APBB3: variants seen among roughly 807,000 people sequenced by gnomAD.
APBB3 encodes the protein amyloid-beta A4 precursor protein-binding family B member 3.
A neutral mutation model predicts 61.5 loss-of-function variants in APBB3; 50 were observed. That is an observed-to-expected ratio of 0.81 (90% CI 0.65 to 1.03). The LOEUF is 1.03. Ranked by LOEUF, APBB3 falls within the 50% of genes least tolerant of loss-of-function variation. The probability of loss-of-function intolerance (pLI) is 0.00; values close to 1 mark genes in which losing one functional copy is unlikely to be tolerated. For missense variants in APBB3, 550 were observed against 637.4 expected, an observed-to-expected ratio of 0.86 and a Z score of 1.48; for synonymous variants, 235 against 233.0, an observed-to-expected ratio of 1.01 and a Z score of -0.08.
chr5:140,563,416 A>G, intron 3 of APBB3, 178 bp downstream of exon 3: 1 of 698,424 alleles, frequency 1.4e-6, no homozygotes, highest in Non-Finnish European at 2.5e-6. Flanking sequence ...AGCTTAGAAC[A>G]AGGGATAAAA....
Position 140,558,709 on chromosome 5 carries a change from C to A in APBB3, c.1337G>T (p.Gly446Val). 1.2e-6 allele frequency: 2 copies of A among 1,609,900 alleles called. No individual in the cohort carries two copies. Among genetic ancestry groups the A allele is most frequent in the Non-Finnish European group, 1.7e-6 (2 of 1,178,898 alleles). Residue 446 changes from glycine to valine, a missense_variant, in exon 13 of 13, where the codon GGT (glycine) becomes GTT (valine). Gly to Val is a moderately radical substitution (Grantham distance 109). Coordinates refer to ENST00000357560, the MANE Select transcript of APBB3 (RefSeq NM_133173.3). ...TTTGAGCAGGGGGAGGGGCAGGGGA[C>A]CTCCTGGGGAATCCATGGAGCTGGT... is the stretch of plus-strand genomic sequence containing the variant. ...KRTSSMDSPG[G>V]PLPLPLLKGG...
At position 140,563,589 on chromosome 5, in the gene APBB3, G is replaced by A. The variant is rs201548993; in HGVS notation, c.290+5C>T. 59 of 1,614,028 alleles carry A rather than the reference G, an allele frequency of 3.7e-5. No individual in the cohort carries two copies. The highest frequency in any genetic ancestry group is 2.8e-4 in the Admixed American group (17 of 59,996). Reference sequence around the variant, plus strand: ...GCCTTTCATTTTGCCTGGGCCACCCGTTACCTCCGGTCCAGTGAACTCTCC... The same window carrying A: ...GCCTTTCATTTTGCCTGGGCCACCCATTACCTCCGGTCCAGTGAACTCTCC... On this transcript the variant is annotated splice_donor_5th_base_variant and intron_variant, in intron 3 of 12. Coordinates refer to ENST00000357560, the MANE Select transcript of APBB3 (RefSeq NM_133173.3).
chr5:140,564,411 C>A lies in APBB3; in HGVS notation c.-166G>T. On this transcript the variant is annotated 5_prime_UTR_variant, in exon 1 of 13. Transcript: ENST00000357560. This position sits in a 1 kb window ranked among gnomAD's most constrained non-coding sequence, Gnocchi z 5.0. ...ACACGGGGCGGGACACGGGCCGGTC[C>A]CGGGGGAGGGCCTGAGCCGCACAGC... The A allele has an allele frequency of 2.5e-6, 2 of 805,560 alleles. No homozygotes were observed. The highest frequency in any genetic ancestry group is 1.7e-5 in the African/African-American group (1 of 57,926). The allele number at this position is 805,560 out of a possible 1,614,324, so 49.9% of individuals were successfully genotyped here. A position where few individuals can be genotyped will look rare whatever the true frequency, so the allele number is the denominator to read the frequency against.
At chr5:140,563,502 G>C (rs1478194823) in intron 3 of APBB3, 92 bp downstream of exon 3, 2 of 1,477,176 alleles carry the variant, frequency 1.4e-6, no homozygotes, top group African/African-American at 2.8e-5. Context: ...ACAGAATCCA[G>C]AACCTGGGCT....
chr5:140,560,993 C>T lies in APBB3; in HGVS notation c.916+25G>A, dbSNP rs940317643. ...CTTCCCCTTGCCTCACACAGCCCAC[C>T]ACATGCAGCCCCCTCAGTCCTCACC... On this transcript the variant is annotated intron_variant, in intron 10 of 12. Transcript: ENST00000357560. This position sits in a 1 kb window ranked among gnomAD's most constrained non-coding sequence, Gnocchi z 5.1. The T allele has an allele frequency of 6.2e-6, 10 of 1,608,394 alleles. No individual in the cohort carries two copies. In the East Asian group the frequency reaches 2.2e-4, roughly 36 times the overall value.
In APBB3 at chr5:140,560,791, AG is replaced by A; in HGVS notation, c.917-38del. ...TACCCAGCGTGTCTCCCAGTGTAAA[AG>A]AAAGAGTCTGCAGGGAGTGTCTAGC... On this transcript the variant is annotated intron_variant, in intron 10 of 12. Coordinates refer to ENST00000357560, the MANE Select transcript of APBB3 (RefSeq NM_133173.3). This position sits in a 1 kb window ranked among gnomAD's most constrained non-coding sequence, Gnocchi z 5.1. The A allele has an allele frequency of 6.3e-7, 1 of 1,588,350 alleles. No homozygotes were observed. The highest frequency in any genetic ancestry group is 8.6e-7 in the Non-Finnish European group (1 of 1,157,218).
chr5:140,558,524 T>C lies in APBB3; in HGVS notation c.*61A>G. 2 of 1,529,076 alleles carry C rather than the reference T, an allele frequency of 1.3e-6. No individual in the cohort carries two copies. The highest frequency in any genetic ancestry group is 1.8e-6 in the Non-Finnish European group (2 of 1,102,464). 94.7% of individuals were successfully genotyped at this position (1,529,076 alleles called of 1,614,324 possible). ...GTGACAGGCTATAGGCCTTGAGGAA[T>C]AAAACGGTACAGAGTTAGGCATGGA... is the stretch of plus-strand genomic sequence containing the variant. On this transcript the variant is annotated 3_prime_UTR_variant, in exon 13 of 13. Coordinates refer to ENST00000357560, the MANE Select transcript of APBB3 (RefSeq NM_133173.3).
In APBB3 at chr5:140,560,774, G is replaced by GT. The variant is rs1561870415; in HGVS notation, c.917-21dup. 6.3e-7 allele frequency: 1 copy of GT among 1,599,920 alleles called. No homozygotes were observed. The highest frequency in any genetic ancestry group is 1.3e-5 in the African/African-American group (1 of 74,778). ...CCATGCCTGGGGGAACATACCCAGC[G>GT]TGTCTCCCAGTGTAAAAGAAAGAGT... On this transcript the variant is annotated intron_variant, in intron 10 of 12. Coordinates refer to ENST00000357560, the MANE Select transcript of APBB3 (RefSeq NM_133173.3). The surrounding 1 kb of genome is among the most constrained non-coding windows in gnomAD (Gnocchi z 5.1).
chr5:140,562,513 G>A lies in APBB3; in HGVS notation c.352-14C>T, dbSNP rs755455289. 1 of 1,613,530 alleles carries A rather than the reference G, an allele frequency of 6.2e-7. No homozygotes were observed. The highest frequency in any genetic ancestry group is 1.1e-5 in the South Asian group (1 of 91,028). ...GACTGCAAAGCACTGACAGGTTGGG[G>A]GAAGGGACAGGAATTAATAAGGATG... On this transcript the variant is annotated splice_polypyrimidine_tract_variant and intron_variant, in intron 4 of 12. Coordinates refer to ENST00000357560, the MANE Select transcript of APBB3 (RefSeq NM_133173.3).
chr5:140,560,418 G>A lies in APBB3; in HGVS notation c.1119C>T (p.Thr373=). Residue 373 remains threonine (T), a synonymous_variant, in exon 12 of 13, where the codon ACC becomes ACT. Coordinates refer to ENST00000357560, the MANE Select transcript of APBB3 (RefSeq NM_133173.3). The surrounding 1 kb of genome is among the most constrained non-coding windows in gnomAD (Gnocchi z 5.1). ...GGCCCAGGTCAGCGATGAGGCCAAA[G>A]GTGTGTGGGTCGCGGCCAACACCAA... ...TFIGVGRDPH[T]FGLIADLGRQ... 6.2e-7 allele frequency: 1 copy of A among 1,614,240 alleles called. No individual in the cohort carries two copies.
chr5:140,561,309 C>G (rs150909420), intron 9 of APBB3, 56 bp downstream of exon 9: 10 of 1,594,644 alleles, frequency 6.3e-6, no homozygotes, highest in African/African-American at 4.0e-5. Flanking sequence ...ATCGCCCCCC[C>G]ACAAAGCAGC....
Position 140,560,702 on chromosome 5 carries a change from C to T in APBB3, c.969G>A (p.Arg323=). The T allele has an allele frequency of 6.2e-7, 1 of 1,614,202 alleles. No homozygotes were observed. The highest frequency in any genetic ancestry group is 8.5e-7 in the Non-Finnish European group (1 of 1,180,034). Residue 323 remains arginine (R), a synonymous_variant, in exon 11 of 13, where the codon CGG becomes CGA. Transcript: ENST00000357560. This position sits in a 1 kb window ranked among gnomAD's most constrained non-coding sequence, Gnocchi z 5.1. The stretch of plus-strand genomic sequence containing the variant: ...TGAGCATGGTGGGGACCCAGGCATT[C>T]CGGTCCCCCCTGGCGGTGAGGGTAC... ...AIGTLTARGD[R]NAWVPTMLSV...
rs963076620 is a variant in APBB3 at position 140,561,626 on chromosome 5, G to A, written c.708C>T (p.Ala236=). Reference sequence around the variant, plus strand: ...CATGTAGGGCACTGGCAATGGCCTTGGCAGGGACATCACAGCAAAACACAT... The same window carrying A: ...CATGTAGGGCACTGGCAATGGCCTTAGCAGGGACATCACAGCAAAACACAT... ...KCHVFCCDVP[A]KAIASALHGL... Residue 236 remains alanine (A), a synonymous_variant, in exon 8 of 13, where the codon GCC becomes GCT. Coordinates refer to ENST00000357560, the MANE Select transcript of APBB3 (RefSeq NM_133173.3). The A allele has an allele frequency of 1.4e-5, 22 of 1,614,228 alleles. No individual in the cohort carries two copies. Among genetic ancestry groups the A allele is most frequent in the Middle Eastern group, 1.6e-4 (1 of 6,062 alleles).
In APBB3 at chr5:140,563,884, C is replaced by A; in HGVS notation, c.81G>T (p.Val27=). ...DDLWGDHSLE[V]EAGLPPGWRK... ...TCCAGCCAGGAGGCAGGCCAGCCTC[C>A]ACCTCCAGACTGTGGTCCCCCCACA... is the stretch of plus-strand genomic sequence containing the variant. The change falls in exon 2 of 13, where the codon GTG becomes GTT. Residue 27 remains valine, a synonymous_variant. Transcript: ENST00000357560. 6.2e-7 allele frequency: 1 copy of A among 1,614,014 alleles called. No individual in the cohort carries two copies. Among genetic ancestry groups the A allele is most frequent in the Non-Finnish European group, 8.5e-7 (1 of 1,179,988 alleles).
intron 9 of APBB3, 52 bp downstream of exon 9, chr5:140,561,313 A>C: frequency 6.3e-7 from 1 of 1,595,004 alleles, no homozygotes; most frequent in Non-Finnish European, 8.6e-7. Context: ...CCCCCCCACA[A>C]AGCAGCACCA....
chr5:140,563,349 G>T (rs913552662), intron 3 of APBB3: 10 of 576,962 alleles, frequency 1.7e-5, no homozygotes, highest in Admixed American at 1.6e-4. Context: ...AATGGCCAAG[G>T]TCTAGAACAT....
At position 140,558,364 on chromosome 5, in the gene APBB3, A is replaced by G; in HGVS notation, c.*221T>C. 3 of 650,692 alleles carry G rather than the reference A, an allele frequency of 4.6e-6. No homozygotes were observed. Among genetic ancestry groups the G allele is most frequent in the Middle Eastern group, 4.3e-4 (1 of 2,320 alleles). 40.3% of individuals were successfully genotyped at this position (650,692 alleles called of 1,614,324 possible). A position where few individuals can be genotyped will look rare whatever the true frequency, so the allele number is the denominator to read the frequency against. Reference sequence around the variant, plus strand: ...AGGGTTGGACAGGGGCAAGGAACACAAGGACCCAAGGAAAGGGGAGCCAGG... The same window carrying G: ...AGGGTTGGACAGGGGCAAGGAACACGAGGACCCAAGGAAAGGGGAGCCAGG... On this transcript the variant is annotated 3_prime_UTR_variant, in exon 13 of 13. Coordinates refer to ENST00000357560, the MANE Select transcript of APBB3 (RefSeq NM_133173.3).
chr5:140,563,209 C>T, intron 3 of APBB3: 1 of 306,490 alleles, frequency 3.3e-6, no homozygotes, highest in Non-Finnish European at 6.2e-6. Context: ...CGTGCCACTG[C>T]ACTCCAGCCT....
In APBB3 at chr5:140,560,264, A is replaced by G. The variant is rs1754884921; in HGVS notation, c.1224+49T>C. On this transcript the variant is annotated intron_variant, in intron 12 of 12. Coordinates refer to ENST00000357560, the MANE Select transcript of APBB3 (RefSeq NM_133173.3). This position sits in a 1 kb window ranked among gnomAD's most constrained non-coding sequence, Gnocchi z 5.1. Reference sequence around the variant, plus strand: ...GACCCGGAGCCCAAGTAAACAGTGGAGAGCAGCTGCAGGGCAATCCCACCA... The same window carrying G: ...GACCCGGAGCCCAAGTAAACAGTGGGGAGCAGCTGCAGGGCAATCCCACCA... The G allele has an allele frequency of 1.3e-6, 2 of 1,579,842 alleles. No homozygotes were observed. The highest frequency in any genetic ancestry group is 1.7e-6 in the Non-Finnish European group (2 of 1,155,826).
Sources: allele counts gnomAD v4.1 joint callset, GRCh38; gene constraint gnomAD v4.1.1; non-coding constraint Gnocchi (gnomAD v3.1); transcripts MANE v1.5; gene names NCBI Gene and HGNC (gene_info 2026-07-23, HGNC 2026-07-21).